MTF1: variants seen among roughly 807,000 people sequenced by gnomAD.
MTF1 encodes metal regulatory transcription factor 1.
MTF1 carries 22 observed loss-of-function variants against 70.4 expected under a neutral mutation model. That is an observed-to-expected ratio of 0.31 (90% CI 0.22 to 0.45). The LOEUF (loss-of-function observed/expected upper bound fraction) is 0.45. MTF1 is among the 20% of genes least tolerant of loss of function. MTF1 has a pLI of 1.00. For synonymous variants in MTF1, 333 were observed against 352.8 expected, an observed-to-expected ratio of 0.94 and a Z score of 0.63; for missense variants, 649 against 922.0, an observed-to-expected ratio of 0.70 and a Z score of 3.83.
At chr1:37,844,856 C>T (rs568508726) in intron 2 of MTF1, among the ~76,000 whole-genome samples, 21 of 152,188 alleles carry the variant, frequency 1.4e-4, no homozygotes, top group Non-Finnish European at 2.8e-4. Context: ...TTACTTCTAT[C>T]CCAGACTAGA....
At chr1:37,824,384 G>C (rs1194090730) in intron 7 of MTF1, among the ~76,000 whole-genome samples, 1 of 152,132 alleles carries the variant, frequency 6.6e-6, no homozygotes, top group Non-Finnish European at 1.5e-5. Context: ...TGATCTAAAA[G>C]ACCAAATCTT....
rs922071109 is a variant in MTF1 at position 37,810,280 on chromosome 1, T to G, written c.*4856A>C. Reference sequence around the variant, plus strand: ...TGAAAAATTTTCCCATAAGAAAAAGTAGAAACTGCATTGAGCTGAGAAAGT... The same window carrying G: ...TGAAAAATTTTCCCATAAGAAAAAGGAGAAACTGCATTGAGCTGAGAAAGT... On this transcript the variant is annotated 3_prime_UTR_variant, in exon 11 of 11. Coordinates refer to ENST00000373036, the MANE Select transcript of MTF1 (RefSeq NM_005955.3). The G allele has an allele frequency of 6.6e-6, 1 of 152,506 alleles. No individual in the cohort carries two copies. The highest frequency in any genetic ancestry group is 2.4e-5 in the African/African-American group (1 of 41,430). The allele number at this position is 152,506 out of a possible 1,614,324, so 9.4% of individuals were successfully genotyped here.
chr1:37,835,678 T>A lies in MTF1; in HGVS notation c.846A>T (p.Thr282=). The A allele has an allele frequency of 6.2e-7, 1 of 1,614,060 alleles. No individual in the cohort carries two copies. The highest frequency in any genetic ancestry group is 8.5e-7 in the Non-Finnish European group (1 of 1,179,874). The change falls in exon 5 of 11, where the codon ACA becomes ACT. Residue 282 remains threonine (T), a synonymous_variant. Transcript: ENST00000373036. Reference sequence around the variant, plus strand: ...AAATTGGCCTAAACTCACCAGTATGTGTACGAACGTGAGTTTTAAGGTGGT... The same window carrying A: ...AAATTGGCCTAAACTCACCAGTATGAGTACGAACGTGAGTTTTAAGGTGGT... ...ASHHLKTHVR[T]HTGERPFFCP... is the part of the protein sequence containing the mutation.
intron 7 of MTF1, among the ~76,000 whole-genome samples, chr1:37,830,833 C>T (rs191786051): frequency 7.2e-4 from 109 of 152,282 alleles, no homozygotes; most frequent in African/African-American, 2.5e-3. Flanking sequence ...CCCACACATC[C>T]ATGGCGCAGG....
At chr1:37,830,506 C>T (rs979028974) in intron 7 of MTF1, among the ~76,000 whole-genome samples, 4 of 151,842 alleles carry the variant, frequency 2.6e-5, no homozygotes, top group Non-Finnish European at 4.4e-5. Flanking sequence ...ATCCTTGTCG[C>T]ATAAAAAAAT....
At chr1:37,859,030 C>T (rs949539560) in intron 1 of MTF1, among the ~76,000 whole-genome samples, 11 of 152,192 alleles carry the variant, frequency 7.2e-5, no homozygotes, top group Non-Finnish European at 1.2e-4. Flanking sequence ...AGGATTGGAT[C>T]CGGGAGGTAC....
intron 7 of MTF1, among the ~76,000 whole-genome samples, chr1:37,830,456 A>G (rs534266029): frequency 6.6e-6 from 1 of 152,180 alleles, no homozygotes; most frequent in Non-Finnish European, 1.5e-5. Flanking sequence ...CATTACAAGC[A>G]TATTCCTTTA....
chr1:37,850,726 A>AT (rs1398676747), intron 2 of MTF1, among the ~76,000 whole-genome samples: 1 of 152,132 alleles, frequency 6.6e-6, no homozygotes, highest in Non-Finnish European at 1.5e-5. Flanking sequence ...TGGTTGGTTT[A>AT]TTTTTTGCGC....
chr1:37,826,538 A>C (rs1557589285), intron 7 of MTF1: 3 of 455,020 alleles, frequency 6.6e-6, no homozygotes, highest in East Asian at 7.0e-5. Context: ...TTCCCAAAGC[A>C]CTGGGATTAC....
chr1:37,847,254 A>G (rs1641347295), intron 2 of MTF1, among the ~76,000 whole-genome samples: 1 of 152,098 alleles, frequency 6.6e-6, no homozygotes, highest in Non-Finnish European at 1.5e-5. Flanking sequence ...TATCTTTGCA[A>G]AAGTGGTGTG....
intron 1 of MTF1, among the ~76,000 whole-genome samples, chr1:37,859,307 G>A (rs970822025): frequency 1.3e-5 from 2 of 152,182 alleles, no homozygotes; most frequent in East Asian, 1.9e-4. Context: ...AAAATCCGAA[G>A]ACAAGCTGGG....
chr1:37,822,519 C>T lies in MTF1; in HGVS notation c.1369G>A (p.Ala457Thr), dbSNP rs982648352. 3 of 1,614,066 alleles carry T rather than the reference C, an allele frequency of 1.9e-6. No individual in the cohort carries two copies. The highest frequency in any genetic ancestry group is 2.5e-6 in the Non-Finnish European group (3 of 1,180,018). The change falls in exon 9 of 11, where the codon GCA becomes ACA. Residue 457 changes from alanine to threonine, a missense_variant. Ala to Thr is a moderately conservative substitution (Grantham distance 58). Coordinates refer to ENST00000373036, the MANE Select transcript of MTF1 (RefSeq NM_005955.3). ...AAGAGAGCAGGGGGGTTGCCAAATGCAGCTTGCTGGGAGCCAGGTCCTAGG... is the reference window on the plus strand; with the variant it reads ...AAGAGAGCAGGGGGGTTGCCAAATGTAGCTTGCTGGGAGCCAGGTCCTAGG... The part of the protein sequence containing the change: ...PSLGPGSQQA[A>T]FGNPPALLQP...
chr1:37,855,369 G>GA (rs1231548288), intron 2 of MTF1, among the ~76,000 whole-genome samples: 1 of 152,124 alleles, frequency 6.6e-6, no homozygotes, highest in Non-Finnish European at 1.5e-5. Flanking sequence ...GTTGGGGTAT[G>GA]AAACACTCTG....
intron 9 of MTF1, 83 bp downstream of exon 9, chr1:37,822,033 ACTTTT>A: frequency 1.9e-6 from 2 of 1,072,822 alleles, no homozygotes; most frequent in Non-Finnish European, 2.7e-6. Flanking sequence ...TATGACAGCC[ACTTTT>A]CTTTTTGAAG....
At chr1:37,846,600 G>A (rs1180485234) in intron 2 of MTF1, among the ~76,000 whole-genome samples, 2 of 152,076 alleles carry the variant, frequency 1.3e-5, no homozygotes, top group African/African-American at 4.8e-5. Context: ...TTTACAAAGT[G>A]TTCTGAGCAG....
intron 7 of MTF1, among the ~76,000 whole-genome samples, chr1:37,825,417 T>G (rs1477695474): frequency 1.3e-5 from 2 of 152,010 alleles, no homozygotes; most frequent in Non-Finnish European, 2.9e-5. Context: ...TTAATTTTTC[T>G]GTAGAGATAG....
chr1:37,858,302 T>C (rs1484724162), intron 1 of MTF1, among the ~76,000 whole-genome samples: 4 of 152,246 alleles, frequency 2.6e-5, no homozygotes, highest in Non-Finnish European at 5.9e-5. Context: ...GTCATCTACC[T>C]ACAAATCCTG....
intron 1 of MTF1, among the ~76,000 whole-genome samples, chr1:37,859,214 G>C (rs937022488): frequency 6.6e-6 from 1 of 152,246 alleles, no homozygotes. Context: ...GGTAGCCAAC[G>C]AGGAGTGCGA....
At position 37,839,934 on chromosome 1, in the gene MTF1, G is replaced by A; in HGVS notation, c.633C>T (p.Phe211=). The A allele has an allele frequency of 6.2e-7, 1 of 1,614,042 alleles. No homozygotes were observed. Among genetic ancestry groups the A allele is most frequent in the African/African-American group, 1.3e-5 (1 of 75,066 alleles). The change falls in exon 3 of 11, where the codon TTC becomes TTT. Residue 211 remains phenylalanine (F), a synonymous_variant. Coordinates refer to ENST00000373036, the MANE Select transcript of MTF1 (RefSeq NM_005955.3). ...ECDVQGCEKA[F]NTLYRLKAHQ... ...ACGAGACTGACCTGTACAGTGTGTT[G>A]AATGCCTTCTCACAGCCCTGCACGT...
Sources: allele counts gnomAD v4.1 joint callset (sites outside exome capture counted in the v4.1 genomes callset), GRCh38; gene constraint gnomAD v4.1.1; transcripts MANE v1.5; gene names NCBI Gene and HGNC (gene_info 2026-07-23, HGNC 2026-07-21).